The following SLCO5A1 variants were observed in gnomAD, a reference collection of about 807,000 sequenced individuals.
SLCO5A1 encodes organic anion transporter polypeptide-related protein 4.
SLCO5A1 carries 39 observed loss-of-function variants against 65.1 expected under a neutral mutation model. That is an observed-to-expected ratio of 0.60 (90% CI 0.46 to 0.78). The LOEUF is 0.78. SLCO5A1 is among the 30% of genes least tolerant of loss of function. The pLI is 0.00. For synonymous variants in SLCO5A1, 438 were observed against 415.7 expected (o/e 1.05, Z -0.65); for missense variants, 1,029 against 1,069.4 (o/e 0.96, Z 0.53).
At chr8:69,801,499 T>G (rs1390672092) in intron 2 of SLCO5A1, among the ~76,000 whole-genome samples, 2 of 152,238 alleles carry the variant, frequency 1.3e-5, no homozygotes, top group Admixed American at 1.3e-4. Flanking sequence ...TGGAAATCAA[T>G]GCTAAAATAT....
At chr8:69,813,708 G>T (rs1820300514) in intron 2 of SLCO5A1, among the ~76,000 whole-genome samples, 1 of 152,168 alleles carries the variant, frequency 6.6e-6, no homozygotes, top group Admixed American at 6.6e-5. Context: ...GTCTCAAGTT[G>T]CAGAAAAAGA....
At chr8:69,720,091 ATCT>A (rs1402205684) in intron 5 of SLCO5A1, among the ~76,000 whole-genome samples, 1 of 152,208 alleles carries the variant, frequency 6.6e-6, no homozygotes, top group Non-Finnish European at 1.5e-5. Context: ...AAATCATCTA[ATCT>A]TCTCCCCTTA....
At chr8:69,679,285 C>A (rs1401077390) in intron 8 of SLCO5A1, 93 bp downstream of exon 8, 1 of 1,546,150 alleles carries the variant, frequency 6.5e-7, no homozygotes, top group Non-Finnish European at 8.8e-7. Context: ...TTGCTTTGCT[C>A]TCTGATTTAC....
intron 8 of SLCO5A1, among the ~76,000 whole-genome samples, chr8:69,679,114 C>T (rs1353014995): frequency 1.3e-5 from 2 of 151,026 alleles, no homozygotes; most frequent in African/African-American, 5.0e-5. Context: ...GAATCAAAAA[C>T]ATCAAAAGAC....
At chr8:69,734,209 G>A (rs145328359) in intron 5 of SLCO5A1, among the ~76,000 whole-genome samples, 197 of 152,240 alleles carry the variant, frequency 1.3e-3, no homozygotes, top group Middle Eastern at 3.4e-3. Flanking sequence ...GCACCTGCTT[G>A]CCTTTGGAGC....
At chr8:69,785,630 A>G (rs17730875) in intron 2 of SLCO5A1, among the ~76,000 whole-genome samples, 3,466 of 152,312 alleles carry the variant, frequency 0.023, 72 homozygotes, top group Middle Eastern at 0.038. Context: ...AAATAGTAAG[A>G]AATGTACCCA....
intron 5 of SLCO5A1, among the ~76,000 whole-genome samples, chr8:69,712,447 A>T (rs1318444873): frequency 6.6e-6 from 1 of 152,188 alleles, no homozygotes; most frequent in East Asian, 1.9e-4. Flanking sequence ...ATTTTTGCCA[A>T]TTTGTATTGT....
intron 2 of SLCO5A1, among the ~76,000 whole-genome samples, chr8:69,802,547 T>C (rs1182600812): frequency 1.3e-5 from 2 of 151,796 alleles, no homozygotes; most frequent in Non-Finnish European, 2.9e-5. Flanking sequence ...AGTTTTAGTG[T>C]TGTTGAAACG....
At position 69,696,725 on chromosome 8, in the gene SLCO5A1, C is replaced by G. The variant is rs557726982; in HGVS notation, c.1622+8306G>C. On this transcript the variant is annotated intron_variant, in intron 6 of 9. Coordinates refer to ENST00000260126, the MANE Select transcript of SLCO5A1 (RefSeq NM_030958.3). Reference sequence around the variant, plus strand: ...TGTCATCTGCAAAGCCCAGAATAAACAAACAGAAAAACTGATTCTTTAAAA... The same window carrying G: ...TGTCATCTGCAAAGCCCAGAATAAAGAAACAGAAAAACTGATTCTTTAAAA... Among the ~76,000 whole-genome samples, 43 of 152,190 alleles carry G rather than the reference C, an allele frequency of 2.8e-4. 1 individual carries two copies. The South Asian group carries it at 8.9e-3, about 32-fold the overall frequency.
At chr8:69,803,249 C>G (rs2130904969) in intron 2 of SLCO5A1, among the ~76,000 whole-genome samples, 1 of 152,198 alleles carries the variant, frequency 6.6e-6, no homozygotes, top group South Asian at 2.1e-4. Flanking sequence ...AACCCCATCT[C>G]TACTAAAAAT....
chr8:69,802,315 C>A (rs1819776720), intron 2 of SLCO5A1, among the ~76,000 whole-genome samples: 1 of 151,868 alleles, frequency 6.6e-6, no homozygotes, highest in Admixed American at 6.6e-5. Context: ...CCAGTCTGGG[C>A]AACATAGTGA....
intron 2 of SLCO5A1, among the ~76,000 whole-genome samples, chr8:69,776,069 T>C (rs1818537716): frequency 6.6e-6 from 1 of 152,078 alleles, no homozygotes; most frequent in Non-Finnish European, 1.5e-5. Context: ...TCTAATTTAA[T>C]AAACTCACAA....
intron 2 of SLCO5A1, among the ~76,000 whole-genome samples, chr8:69,807,772 C>T (rs1012518444): frequency 2.0e-5 from 3 of 152,184 alleles, no homozygotes; most frequent in African/African-American, 7.2e-5. Flanking sequence ...GGTGCGATCT[C>T]GGCTCACTGC....
At chr8:69,683,920 A>G (rs939115613) in intron 6 of SLCO5A1, among the ~76,000 whole-genome samples, 3 of 152,288 alleles carry the variant, frequency 2.0e-5, no homozygotes, top group East Asian at 3.9e-4. Flanking sequence ...GCCCATCCCA[A>G]TCATGCGTGT....
intron 5 of SLCO5A1, among the ~76,000 whole-genome samples, chr8:69,733,055 A>G (rs1262898132): frequency 1.3e-5 from 2 of 152,136 alleles, no homozygotes; most frequent in Non-Finnish European, 2.9e-5. Flanking sequence ...CTTCATAGGC[A>G]TTAGTTACAT....
intron 6 of SLCO5A1, among the ~76,000 whole-genome samples, chr8:69,684,352 G>A (rs755604537): frequency 1.6e-4 from 25 of 152,282 alleles, no homozygotes; most frequent in Non-Finnish European, 2.2e-4. Context: ...AGCGGGACCT[G>A]CTTTCTGAGC....
chr8:69,746,861 T>C (rs73285588), intron 4 of SLCO5A1, among the ~76,000 whole-genome samples: 1,973 of 152,254 alleles, frequency 0.013, 45 homozygotes, highest in African/African-American at 0.045. Flanking sequence ...AGAGATAGCA[T>C]TGGGCTCAGC....
chr8:69,704,720 A>G (rs550354456), intron 6 of SLCO5A1, among the ~76,000 whole-genome samples: 1 of 152,364 alleles, frequency 6.6e-6, no homozygotes, highest in African/African-American at 2.4e-5. Flanking sequence ...AGAAACACAT[A>G]TTCCCTATTA....
chr8:69,755,184 T>A (rs1586761526), intron 4 of SLCO5A1, among the ~76,000 whole-genome samples: 1 of 152,304 alleles, frequency 6.6e-6, no homozygotes, highest in East Asian at 1.9e-4. Flanking sequence ...AAATGATGAA[T>A]TATTTAAAAA....
Sources: allele counts gnomAD v4.1 joint callset (sites outside exome capture counted in the v4.1 genomes callset), GRCh38; gene constraint gnomAD v4.1.1; transcripts MANE v1.5; gene names NCBI Gene and HGNC (gene_info 2026-07-23, HGNC 2026-07-21).